The following TRAK2 variants were observed in gnomAD, a reference collection of about 807,000 sequenced individuals.
TRAK2 encodes trafficking kinesin-binding protein 2.
TRAK2 carries 81 observed loss-of-function variants against 104.6 expected under a neutral mutation model. The ratio of observed to expected loss-of-function variants is 0.77; its 90% confidence interval spans 0.65 to 0.93. TRAK2 has a LOEUF of 0.93. Ranked by LOEUF, TRAK2 falls within the 40% of genes least tolerant of loss-of-function variation. The probability of loss-of-function intolerance (pLI) is 0.00; values close to 1 mark genes in which losing one functional copy is unlikely to be tolerated. For synonymous variants in TRAK2, 406 were observed against 394.4 expected, an observed-to-expected ratio of 1.03 and a Z score of -0.35; for missense variants, 1,002 against 1,089.0, an observed-to-expected ratio of 0.92 and a Z score of 1.12.
rs1371127170 is a variant in TRAK2, at chr2:201,388,885, T to A, written c.1397+415A>T. Among the ~76,000 whole-genome samples, 3 of 152,252 alleles carry A rather than the reference T, an allele frequency of 2.0e-5. No homozygotes were observed. In the East Asian group the frequency reaches 5.8e-4, roughly 29 times the overall value. On this transcript the variant is annotated intron_variant, in intron 12 of 15. Coordinates refer to ENST00000332624, the MANE Select transcript of TRAK2 (RefSeq NM_015049.3). ...TCTTGCAAAGCTTTCAGCTCACTTT[T>A]CAGTAAAGTTGTTTACCTTCTAGTT...
At chr2:201,450,177 G>A (rs1469507781) in intron 1 of TRAK2, among the ~76,000 whole-genome samples, 1 of 152,012 alleles carries the variant, frequency 6.6e-6, no homozygotes, top group African/African-American at 2.4e-5. Flanking sequence ...AGCACTTTGG[G>A]AGGCCAAAGC....
At chr2:201,410,587 T>C (rs1182309545) in intron 2 of TRAK2, 3 of 1,255,376 alleles carry the variant, frequency 2.4e-6, no homozygotes, top group African/African-American at 3.0e-5. Context: ...TGAACTGCTA[T>C]TGGTCATAGC....
intron 3 of TRAK2, among the ~76,000 whole-genome samples, chr2:201,401,775 A>G (rs16837469): frequency 0.032 from 4,868 of 152,154 alleles, 260 homozygotes; most frequent in African/African-American, 0.11. Context: ...TTGTCAATGT[A>G]CCTGGATAAT....
At chr2:201,422,284 A>G (rs1951748375) in intron 1 of TRAK2, among the ~76,000 whole-genome samples, 1 of 152,190 alleles carries the variant, frequency 6.6e-6, no homozygotes, top group South Asian at 2.1e-4. Flanking sequence ...CTAAATGTCT[A>G]TAAATAAATG....
intron 12 of TRAK2, 34 bp from the exon 13 acceptor site, chr2:201,388,035 G>C: frequency 6.2e-7 from 1 of 1,607,660 alleles, no homozygotes; most frequent in Middle Eastern, 1.7e-4. Flanking sequence ...ATTAGATCTT[G>C]AGGATCATCA....
At position 201,398,152 on chromosome 2, in the gene TRAK2, C is replaced by A. The variant is rs781212214; in HGVS notation, c.683G>T (p.Arg228Leu). ...CAATTAGGTTGAACGTACCTTGGAT[C>A]GAAGAGCCATATTCTCTTCTTCCAG... is the stretch of plus-strand genomic sequence containing the variant. Reference protein sequence around the residue: ...KELEEENMALRSKACHIKTET... With the variant: ...KELEEENMALLSKACHIKTET... The change falls in exon 6 of 16, where the codon CGA (arginine) becomes CTA (leucine). Residue 228 changes from arginine to leucine, a missense_variant. Physicochemically the swap from Arg to Leu is moderately radical, Grantham distance 102. Coordinates refer to ENST00000332624, the MANE Select transcript of TRAK2 (RefSeq NM_015049.3). 1 of 1,613,150 alleles carries A rather than the reference C, an allele frequency of 6.2e-7. No individual in the cohort carries two copies. The highest frequency in any genetic ancestry group is 8.5e-7 in the Non-Finnish European group (1 of 1,179,384).
chr2:201,399,234 T>C, intron 5 of TRAK2, 143 bp downstream of exon 5: 1 of 561,764 alleles, frequency 1.8e-6, no homozygotes, highest in South Asian at 2.5e-5. Flanking sequence ...TCTCTACTGA[T>C]TAGTTTAATG....
chr2:201,450,187 C>T (rs554655591), intron 1 of TRAK2, among the ~76,000 whole-genome samples: 3 of 151,980 alleles, frequency 2.0e-5, no homozygotes, highest in South Asian at 2.1e-4. Flanking sequence ...GAGGCCAAAG[C>T]GGGTGGATCA....
chr2:201,381,221 TA>T lies in TRAK2; in HGVS notation c.2070-4del, dbSNP rs3832088. The T allele has an allele frequency of 0.03, 44,080 of 1,487,412 alleles. 1 individual carries two copies. Among genetic ancestry groups the T allele is most frequent in the East Asian group, 0.081 (3,284 of 40,308 alleles). 92.1% of individuals were successfully genotyped at this position (1,487,412 alleles called of 1,614,324 possible). ...AGGATAATGAAGGGAACCCAGAGCT[TA>T]AAAAAAAAAAAAAAAAGTGGGAGAC... On this transcript the variant is annotated splice_polypyrimidine_tract_variant and splice_region_variant and intron_variant, in intron 15 of 15. Coordinates refer to ENST00000332624, the MANE Select transcript of TRAK2 (RefSeq NM_015049.3).
chr2:201,379,523 A>G lies in TRAK2; in HGVS notation c.*1020T>C, dbSNP rs920471642. 1.3e-5 allele frequency: 2 copies of G among 152,756 alleles called. No homozygotes were observed. Among genetic ancestry groups the G allele is most frequent in the South Asian group, 2.1e-4 (1 of 4,830 alleles). 9.5% of individuals were successfully genotyped at this position (152,756 alleles called of 1,614,324 possible). ...TTTGTGCAAATACATGTCATCTTTC[A>G]TTAAAAATATGCATAGCGCACTTTG... is the stretch of plus-strand genomic sequence containing the variant. On this transcript the variant is annotated 3_prime_UTR_variant, in exon 16 of 16. Transcript: ENST00000332624.
At chr2:201,412,105 G>T in intron 2 of TRAK2, 1 of 1,079,356 alleles carries the variant, frequency 9.3e-7, no homozygotes, top group Non-Finnish European at 1.4e-6. Context: ...GAATTAATGT[G>T]ACATATTCTT....
chr2:201,401,731 A>T (rs1951552426), intron 3 of TRAK2, among the ~76,000 whole-genome samples: 1 of 152,114 alleles, frequency 6.6e-6, no homozygotes, highest in South Asian at 2.1e-4. Flanking sequence ...GTATAATTCA[A>T]GCCCTGTATT....
At chr2:201,441,776 C>T (rs1951926212) in intron 1 of TRAK2, among the ~76,000 whole-genome samples, 2 of 151,372 alleles carry the variant, frequency 1.3e-5, no homozygotes, top group Admixed American at 6.6e-5. Flanking sequence ...ACTGCAACCT[C>T]CGTCTCCCGG....
intron 2 of TRAK2, among the ~76,000 whole-genome samples, chr2:201,419,982 C>CT (rs1400468043): frequency 6.6e-6 from 1 of 152,140 alleles, no homozygotes; most frequent in African/African-American, 2.4e-5. Context: ...TAGAAAAAAA[C>CT]TTTGACTGCT....
intron 1 of TRAK2, among the ~76,000 whole-genome samples, chr2:201,434,278 A>G (rs1258236280): frequency 6.6e-6 from 1 of 152,104 alleles, no homozygotes; most frequent in Admixed American, 6.5e-5. Context: ...TTATCGTCCA[A>G]TGATATATCT....
rs980278036 is a variant in TRAK2, at chr2:201,398,066, A to C, written c.690+79T>G. 1.2e-4 allele frequency: 155 copies of C among 1,327,170 alleles called. No homozygotes were observed. The Admixed American group carries it at 2.4e-3, about 21-fold the overall frequency. 82.2% of individuals were successfully genotyped at this position (1,327,170 alleles called of 1,614,324 possible). A position where few individuals can be genotyped will look rare whatever the true frequency, so the allele number is the denominator to read the frequency against. On this transcript the variant is annotated intron_variant, in intron 6 of 15. Coordinates refer to ENST00000332624, the MANE Select transcript of TRAK2 (RefSeq NM_015049.3). The stretch of plus-strand genomic sequence containing the variant: ...CCAATAGCAAATCCTTACTTATGCC[A>C]TATTTCACCTCAATAGTACCTGGAC...
intron 1 of TRAK2, among the ~76,000 whole-genome samples, chr2:201,448,481 T>C (rs1951982791): frequency 6.6e-6 from 1 of 152,352 alleles, no homozygotes; most frequent in South Asian, 2.1e-4. Flanking sequence ...TCTGAACAGA[T>C]AATGACTCAA....
intron 2 of TRAK2, among the ~76,000 whole-genome samples, chr2:201,408,533 T>C (rs1370931022): frequency 1.3e-5 from 2 of 152,204 alleles, no homozygotes; most frequent in African/African-American, 4.8e-5. Context: ...AACTATGCTT[T>C]TAAAGTTCAG....
intron 1 of TRAK2, among the ~76,000 whole-genome samples, chr2:201,435,643 T>A (rs1288107207): frequency 6.6e-6 from 1 of 152,188 alleles, no homozygotes; most frequent in Admixed American, 6.5e-5. Flanking sequence ...AAATCATACC[T>A]AACAAAGTAC....
Sources: gnomAD v4.1 joint callset for allele counts (sites outside exome capture counted in the v4.1 genomes callset) on GRCh38, gnomAD v4.1.1 for gene constraint, MANE v1.5 for transcripts, NCBI Gene and HGNC (gene_info 2026-07-23, HGNC 2026-07-21) for gene names.